LRP1B: variants seen among roughly 807,000 people sequenced by gnomAD.
The protein encoded by LRP1B is low-density lipoprotein receptor-related protein 1B.
Under a neutral mutation model 556.6 loss-of-function variants are expected in LRP1B, and 217 were observed. The observed-to-expected ratio is 0.39, with a 90% CI of 0.35 to 0.44. LRP1B has a LOEUF of 0.44. Among genes scored for constraint, LRP1B ranks in the 20% least tolerant of loss-of-function variants. LRP1B has a pLI of 1.00. For missense variants in LRP1B, 5,053 were observed against 5,620.8 expected (o/e 0.90, Z 3.23); for synonymous variants, 2,047 against 1,865.8 (o/e 1.10, Z -2.50).
intron 41 of LRP1B, among the ~76,000 whole-genome samples, chr2:140,608,130 AT>A (rs1401986130): frequency 7.9e-5 from 12 of 152,146 alleles, no homozygotes; most frequent in Admixed American, 7.9e-4. Flanking sequence ...AGAAATAAAA[AT>A]TTTCATTATT....
intron 3 of LRP1B, among the ~76,000 whole-genome samples, chr2:141,384,076 G>A (rs1021627591): frequency 6.6e-5 from 10 of 152,074 alleles, no homozygotes; most frequent in Non-Finnish European, 8.8e-5. Context: ...ATCCTTTTAC[G>A]ATGTCATCAT....
intron 2 of LRP1B, among the ~76,000 whole-genome samples, chr2:141,709,331 AGAGT>A (rs1410176032): frequency 6.9e-6 from 1 of 145,434 alleles, no homozygotes; most frequent in Admixed American, 6.8e-5. Context: ...CCTGGGCAAC[AGAGT>A]GAGATTCCAT....
intron 5 of LRP1B, among the ~76,000 whole-genome samples, chr2:141,233,456 ATGTATGT>A (rs2105302755): frequency 6.6e-6 from 1 of 152,272 alleles, no homozygotes; most frequent in South Asian, 2.1e-4. Context: ...TTTTCCTGTA[ATGTATGT>A]TGTATTCATT....
intron 2 of LRP1B, among the ~76,000 whole-genome samples, chr2:141,576,528 G>A (rs565656456): frequency 6.6e-6 from 1 of 152,218 alleles, no homozygotes; most frequent in African/African-American, 2.4e-5. Context: ...GTATATCTAT[G>A]TAGTAAACCT....
intron 22 of LRP1B, among the ~76,000 whole-genome samples, chr2:140,904,836 C>G (rs1295224769): frequency 6.6e-6 from 1 of 151,848 alleles, no homozygotes; most frequent in Non-Finnish European, 1.5e-5. Flanking sequence ...GTCATTGTGC[C>G]CAGGAGGTAA....
At chr2:140,776,955 TAAAG>T (rs1317255216) in intron 32 of LRP1B, among the ~76,000 whole-genome samples, 15 of 152,294 alleles carry the variant, frequency 9.8e-5, no homozygotes, top group Non-Finnish European at 1.0e-4. Context: ...TTTCATTTTA[TAAAG>T]AATCTGAGAC....
At chr2:141,377,306 A>C (rs1413907202) in intron 3 of LRP1B, among the ~76,000 whole-genome samples, 3 of 152,326 alleles carry the variant, frequency 2.0e-5, no homozygotes, top group African/African-American at 7.2e-5. Flanking sequence ...GAAATAAACA[A>C]GTCTTTTTGA....
intron 3 of LRP1B, among the ~76,000 whole-genome samples, chr2:141,397,648 A>G (rs1690291937): frequency 6.6e-6 from 1 of 151,910 alleles, no homozygotes; most frequent in South Asian, 2.1e-4. Flanking sequence ...TAATGTTAAT[A>G]AGTGGATCTT....
At chr2:141,834,039 A>G (rs901187683) in intron 1 of LRP1B, among the ~76,000 whole-genome samples, 2 of 151,908 alleles carry the variant, frequency 1.3e-5, no homozygotes, top group African/African-American at 2.4e-5. Flanking sequence ...AAACTGAGCA[A>G]TCTCTCCAGT....
rs34488899 is a variant in LRP1B at position 140,868,265 on chromosome 2, TAAAAAAAAAA to T, written c.4170-12_4170-3del. ...TCCCAGTCTGTCCAGAAAAGAATTC[TAAAAAAAAAA>T]AAAAAAAAAGAAATAATACTATTGT... On this transcript the variant is annotated splice_polypyrimidine_tract_variant and splice_region_variant and intron_variant, in intron 25 of 90. Transcript: ENST00000389484. The T allele has an allele frequency of 1.9e-5, 24 of 1,296,300 alleles. No homozygotes were observed. The African/African-American group carries it at 4.4e-4, about 24-fold the overall frequency. 80.3% of individuals were successfully genotyped at this position (1,296,300 alleles called of 1,614,324 possible). A position where few individuals can be genotyped will look rare whatever the true frequency, so the allele number is the denominator to read the frequency against.
chr2:140,546,861 T>C (rs1196113859), intron 43 of LRP1B, among the ~76,000 whole-genome samples: 1 of 151,972 alleles, frequency 6.6e-6, no homozygotes, highest in Non-Finnish European at 1.5e-5. Context: ...TATTGAGGTT[T>C]GGGGTGTTGA....
At chr2:140,294,337 T>G (rs1398362396) in intron 84 of LRP1B, among the ~76,000 whole-genome samples, 1 of 152,240 alleles carries the variant, frequency 6.6e-6, no homozygotes, top group Non-Finnish European at 1.5e-5. Context: ...ATTGATCTTT[T>G]GTTAACATTT....
At chr2:141,393,468 A>G (rs1335447763) in intron 3 of LRP1B, among the ~76,000 whole-genome samples, 1 of 152,132 alleles carries the variant, frequency 6.6e-6, no homozygotes, top group Non-Finnish European at 1.5e-5. Context: ...AAAATTTCCC[A>G]TACACTGTGC....
chr2:141,893,205 A>G lies in LRP1B; in HGVS notation c.83-82804T>C, dbSNP rs143426670. ...AACTCACTAGGGTGTCAGTTTGGACAGGTGATTTTTTTGAGAAAGAGTTTC... is the reference window on the plus strand; with the variant it reads ...AACTCACTAGGGTGTCAGTTTGGACGGGTGATTTTTTTGAGAAAGAGTTTC... On this transcript the variant is annotated intron_variant, in intron 1 of 90. Coordinates refer to ENST00000389484, the MANE Select transcript of LRP1B (RefSeq NM_018557.3). Among the ~76,000 whole-genome samples the G allele has an allele frequency of 4.6e-3, 700 of 152,220 alleles. 7 individuals carry two copies. Among genetic ancestry groups the G allele is most frequent in the African/African-American group, 0.016 (665 of 41,544 alleles).
At chr2:141,613,878 G>A (rs1470436828) in intron 2 of LRP1B, among the ~76,000 whole-genome samples, 1 of 151,842 alleles carries the variant, frequency 6.6e-6, no homozygotes, top group Non-Finnish European at 1.5e-5. Context: ...TTCAAGACCA[G>A]CCTGGCCAAA....
At chr2:141,584,645 A>AAC (rs796593590) in intron 2 of LRP1B, among the ~76,000 whole-genome samples, 15 of 152,172 alleles carry the variant, frequency 9.9e-5, no homozygotes, top group African/African-American at 3.6e-4. Context: ...CACACCTTCA[A>AAC]ACACACACAC....
At chr2:141,126,392 G>A (rs1220576195) in intron 7 of LRP1B, among the ~76,000 whole-genome samples, 2 of 152,196 alleles carry the variant, frequency 1.3e-5, no homozygotes, top group South Asian at 4.2e-4. Context: ...CGATTCTAGA[G>A]GAGGGCACTC....
At chr2:141,456,625 T>A (rs1274098425) in intron 3 of LRP1B, among the ~76,000 whole-genome samples, 1 of 152,214 alleles carries the variant, frequency 6.6e-6, no homozygotes, top group Non-Finnish European at 1.5e-5. Context: ...AATGTAATGC[T>A]GCAATAAGAT....
At chr2:140,544,435 A>G (rs1445871201) in intron 43 of LRP1B, among the ~76,000 whole-genome samples, 1 of 151,888 alleles carries the variant, frequency 6.6e-6, no homozygotes, top group East Asian at 1.9e-4. Flanking sequence ...GTACCCACTG[A>G]TTATTTTCAT....
Sources: allele counts gnomAD v4.1 joint callset (sites outside exome capture counted in the v4.1 genomes callset), GRCh38; gene constraint gnomAD v4.1.1; transcripts MANE v1.5; gene names NCBI Gene and HGNC (gene_info 2026-07-23, HGNC 2026-07-21).